SPATA16: variants seen among roughly 807,000 people sequenced by gnomAD.
SPATA16 encodes spermatogenesis-associated protein 16.
Under a neutral mutation model 63.3 loss-of-function variants are expected in SPATA16, and 36 were observed. That is an observed-to-expected ratio of 0.57 (90% CI 0.44 to 0.75). The LOEUF is 0.75. Ranked by LOEUF, SPATA16 falls within the 30% of genes least tolerant of loss-of-function variation. The pLI is 0.00. For synonymous variants in SPATA16, 203 were observed against 216.7 expected, an observed-to-expected ratio of 0.94 and a Z score of 0.56; for missense variants, 646 against 679.3, an observed-to-expected ratio of 0.95 and a Z score of 0.54.
intron 5 of SPATA16, among the ~76,000 whole-genome samples, chr3:172,974,113 C>A (rs1475839628): frequency 2.6e-5 from 4 of 152,090 alleles, no homozygotes; most frequent in Admixed American, 2.6e-4. Flanking sequence ...TTCTTGAGTT[C>A]ACCAAAGCAA....
At chr3:172,961,041 TTTCTTTC>T (rs1242548544) in intron 5 of SPATA16, among the ~76,000 whole-genome samples, 17 of 92,628 alleles carry the variant, frequency 1.8e-4, no homozygotes, top group South Asian at 7.0e-4. Flanking sequence ...TCTTTCTTTC[TTTCTTTC>T]TTCTTTCTTT....
At chr3:172,980,194 C>G (rs752977627) in intron 4 of SPATA16, among the ~76,000 whole-genome samples, 1 of 152,208 alleles carries the variant, frequency 6.6e-6, no homozygotes, top group Non-Finnish European at 1.5e-5. Flanking sequence ...GGCTTTTCAT[C>G]GTGCTGAATT....
At chr3:173,069,929 T>C (rs1736625369) in intron 2 of SPATA16, among the ~76,000 whole-genome samples, 1 of 150,286 alleles carries the variant, frequency 6.7e-6, no homozygotes. Context: ...TTTGATAAAA[T>C]TCAACATTCC....
intron 10 of SPATA16, among the ~76,000 whole-genome samples, chr3:172,909,708 C>T (rs1277452908): frequency 6.6e-6 from 1 of 152,156 alleles, no homozygotes; most frequent in African/African-American, 2.4e-5. Context: ...GTAAGAGCCA[C>T]CTACAGGAGT....
intron 10 of SPATA16, among the ~76,000 whole-genome samples, chr3:172,908,272 T>C (rs1212701390): frequency 5.3e-5 from 8 of 152,236 alleles, no homozygotes; most frequent in Admixed American, 5.2e-4. Flanking sequence ...TAATTAAATA[T>C]GCTGTGGCAG....
intron 4 of SPATA16, among the ~76,000 whole-genome samples, chr3:173,003,340 A>G (rs530898630): frequency 6.6e-6 from 1 of 152,330 alleles, no homozygotes; most frequent in South Asian, 2.1e-4. Flanking sequence ...AGAAAATGAA[A>G]ATGAGAACCA....
intron 2 of SPATA16, among the ~76,000 whole-genome samples, chr3:173,054,681 C>T (rs531933823): frequency 6.6e-6 from 1 of 152,150 alleles, no homozygotes; most frequent in South Asian, 2.1e-4. Flanking sequence ...GCAATAGGTG[C>T]AGCAAACCAC....
intron 2 of SPATA16, among the ~76,000 whole-genome samples, chr3:173,057,492 AT>A (rs1240707706): frequency 1.3e-5 from 2 of 151,744 alleles, no homozygotes; most frequent in Non-Finnish European, 2.9e-5. Flanking sequence ...AGGCTCTCTG[AT>A]TTTTTTCACC....
intron 2 of SPATA16, among the ~76,000 whole-genome samples, chr3:173,072,459 A>G (rs1298139721): frequency 1.3e-5 from 2 of 152,198 alleles, no homozygotes; most frequent in Admixed American, 6.5e-5. Context: ...CATATGTTGC[A>G]GAAGAGACCC....
At chr3:172,978,586 C>T (rs1176684928) in intron 4 of SPATA16, among the ~76,000 whole-genome samples, 1 of 152,154 alleles carries the variant, frequency 6.6e-6, no homozygotes, top group African/African-American at 2.4e-5. Context: ...GTTGGGTACA[C>T]TTAGGTGACA....
chr3:173,049,166 T>C, intron 2 of SPATA16, 72 bp from the exon 3 acceptor site: 2 of 1,487,184 alleles, frequency 1.3e-6, no homozygotes, highest in Non-Finnish European at 1.8e-6. Flanking sequence ...AAGCAAAACA[T>C]GTGTATGTTT....
intron 6 of SPATA16, among the ~76,000 whole-genome samples, chr3:172,934,243 G>A (rs970624309): frequency 2.3e-4 from 35 of 152,098 alleles, no homozygotes; most frequent in African/African-American, 8.2e-4. Flanking sequence ...TTTCCTTTCT[G>A]TTCAGACTGG....
At chr3:172,895,820 A>G (rs563714239) in intron 10 of SPATA16, among the ~76,000 whole-genome samples, 134 of 152,270 alleles carry the variant, frequency 8.8e-4, no homozygotes, top group African/African-American at 3.1e-3. Context: ...CATTAGTTAG[A>G]TTATTTCCAG....
In SPATA16 at chr3:173,019,489, G is replaced by C. The variant is rs746688055; in HGVS notation, c.845C>G (p.Ala282Gly). ...ACAAAAGTTAAAACAAACATACCGG[G>C]CAGCCTCTGAATACCTCTCCAGACA... Reference protein sequence around the residue: ...FRCLERYSEAARSAMIADYMF... With the variant: ...FRCLERYSEAGRSAMIADYMF... Residue 282 changes from alanine (A) to glycine (G), a missense_variant, in exon 4 of 11, where the codon GCC becomes GGC. By Grantham distance (60) the Ala-to-Gly change is moderately conservative. Coordinates refer to ENST00000351008, the MANE Select transcript of SPATA16 (RefSeq NM_031955.6). 7 of 1,613,148 alleles carry C rather than the reference G, an allele frequency of 4.3e-6. No homozygotes were observed. In the South Asian group the frequency reaches 6.6e-5, roughly 15 times the overall value.
chr3:173,116,601 T>G (rs547172896), intron 2 of SPATA16, among the ~76,000 whole-genome samples: 1 of 152,310 alleles, frequency 6.6e-6, no homozygotes, highest in South Asian at 2.1e-4. Context: ...AAAATAAAGT[T>G]TGATGGTAAA....
intron 6 of SPATA16, among the ~76,000 whole-genome samples, chr3:172,937,791 G>C (rs973063137): frequency 2.3e-4 from 35 of 152,254 alleles, no homozygotes; most frequent in African/African-American, 8.2e-4. Flanking sequence ...AAAAGTAACT[G>C]TTTTTCAATT....
intron 4 of SPATA16, among the ~76,000 whole-genome samples, chr3:172,991,415 T>TA (rs1230879850): frequency 1.3e-5 from 2 of 152,194 alleles, no homozygotes; most frequent in African/African-American, 4.8e-5. Flanking sequence ...AAATTCTTAC[T>TA]AAACTCTATT....
intron 5 of SPATA16, among the ~76,000 whole-genome samples, chr3:172,957,616 C>T (rs1733632204): frequency 6.6e-6 from 1 of 152,052 alleles, no homozygotes; most frequent in African/African-American, 2.4e-5. Flanking sequence ...CTATGGTTAC[C>T]TCAGTTTTTT....
chr3:173,039,114 C>T (rs1266099677), intron 3 of SPATA16, among the ~76,000 whole-genome samples: 2 of 151,282 alleles, frequency 1.3e-5, no homozygotes, highest in African/African-American at 4.9e-5. Context: ...TTTTTTAAAC[C>T]CCAGGACACA....
Sources: allele counts gnomAD v4.1 joint callset (sites outside exome capture counted in the v4.1 genomes callset), GRCh38; gene constraint gnomAD v4.1.1; transcripts MANE v1.5; gene names NCBI Gene and HGNC (gene_info 2026-07-23, HGNC 2026-07-21).